MAPK6: variants seen among roughly 807,000 people sequenced by gnomAD.
MAPK6 encodes the protein ERK-3.
A neutral mutation model predicts 59.3 loss-of-function variants in MAPK6; 19 were observed. The observed-to-expected ratio is 0.32, with a 90% CI of 0.22 to 0.47. The LOEUF is 0.47. MAPK6 is among the 20% of genes least tolerant of loss of function. The pLI, the probability that MAPK6 is intolerant of heterozygous loss-of-function variation, is 1.00. For synonymous variants in MAPK6, 316 were observed against 290.3 expected, an observed-to-expected ratio of 1.09 and a Z score of -0.90; for missense variants, 724 against 847.9, an observed-to-expected ratio of 0.85 and a Z score of 1.81.
At chr15:51,972,603 C>A (rs1278027392) in intron 1 of MAPK6, among the ~76,000 whole-genome samples, 1 of 112,248 alleles carries the variant, frequency 8.9e-6, no homozygotes, top group African/African-American at 3.4e-5. Context: ...GCGGGTGGAT[C>A]ACGAGGTCAG....
intron 1 of MAPK6, among the ~76,000 whole-genome samples, chr15:52,041,394 C>T (rs2031412892): frequency 1.3e-5 from 2 of 152,128 alleles, no homozygotes. Context: ...TGGGGTTTCT[C>T]CACGTTGATC....
chr15:52,032,184 T>TA (rs769429639), intron 1 of MAPK6, among the ~76,000 whole-genome samples: 1 of 136,400 alleles, frequency 7.3e-6, no homozygotes, highest in Non-Finnish European at 1.6e-5. Context: ...CAACAATTTT[T>TA]AATTTTTTTT....
chr15:52,007,147 T>G (rs2141828226), intron 3 of MAPK6, among the ~76,000 whole-genome samples: 1 of 152,226 alleles, frequency 6.6e-6, no homozygotes, highest in Non-Finnish European at 1.5e-5. Flanking sequence ...TAATGAAGCC[T>G]GTGTGTTTAT....
intron 1 of MAPK6, chr15:52,027,933 C>G (rs570608617): frequency 6.8e-6 from 1 of 146,962 alleles, no homozygotes; most frequent in African/African-American, 2.5e-5. Context: ...CCACCACGCC[C>G]GGCTAATTTT....
At chr15:52,048,946 A>G (rs2031687006) in intron 2 of MAPK6, among the ~76,000 whole-genome samples, 1 of 152,110 alleles carries the variant, frequency 6.6e-6, no homozygotes, top group Non-Finnish European at 1.5e-5. Context: ...TTGTGGATAG[A>G]GCACTGAACT....
chr15:51,988,577 C>CAAA (rs1353443412), intron 2 of MAPK6, among the ~76,000 whole-genome samples: 1 of 151,834 alleles, frequency 6.6e-6, no homozygotes, highest in African/African-American at 2.4e-5. Flanking sequence ...ACTAAAAATA[C>CAAA]AAAAATTAGC....
chr15:51,978,301 T>G (rs1306915426), intron 1 of MAPK6, among the ~76,000 whole-genome samples: 1 of 151,602 alleles, frequency 6.6e-6, no homozygotes, highest in African/African-American at 2.4e-5. Flanking sequence ...CCCAGCTAAT[T>G]TTTTGTATTT....
At chr15:51,975,587 G>T (rs553305439) in intron 1 of MAPK6, among the ~76,000 whole-genome samples, 1 of 151,726 alleles carries the variant, frequency 6.6e-6, no homozygotes, top group African/African-American at 2.4e-5. Context: ...ACACAAAAAG[G>T]AATATATGTT....
chr15:52,062,957 T>TA (rs1566915392), intron 5 of MAPK6, among the ~76,000 whole-genome samples: 1 of 152,208 alleles, frequency 6.6e-6, no homozygotes, highest in Admixed American at 6.5e-5. Flanking sequence ...CTTAAGATTT[T>TA]AAGAAGAAAT....
At chr15:52,021,525 C>A (rs1450021600) in intron 1 of MAPK6, 2 of 152,038 alleles carry the variant, frequency 1.3e-5, no homozygotes, top group African/African-American at 4.8e-5. Flanking sequence ...ATATCATATA[C>A]CCTACAGGTG....
At chr15:52,044,312 C>T (rs919358922) in intron 1 of MAPK6, among the ~76,000 whole-genome samples, 1 of 151,914 alleles carries the variant, frequency 6.6e-6, no homozygotes, top group Non-Finnish European at 1.5e-5. Flanking sequence ...ATACAAGACC[C>T]GTTCTTATTT....
At chr15:52,004,392 G>A (rs2057251495) in exon 3 of MAPK6, 1 of 152,176 alleles carries the variant, frequency 6.6e-6, no homozygotes. Context: ...ATTGCTATAA[G>A]CTGCTTTCAT....
chr15:51,992,305 A>ATATATTT (rs572519819), intron 2 of MAPK6, among the ~76,000 whole-genome samples: 1 of 101,424 alleles, frequency 9.9e-6, no homozygotes, highest in African/African-American at 3.7e-5. Context: ...ATATATATAT[A>ATATATTT]TTTTTTTTTT....
At chr15:52,000,948 CCCCTACCACCCT>C (rs1273659144) in intron 2 of MAPK6, among the ~76,000 whole-genome samples, 2 of 152,100 alleles carry the variant, frequency 1.3e-5, no homozygotes, top group Non-Finnish European at 2.9e-5. Context: ...ATCCCTCACC[CCCCTACCACCCT>C]CCCTGTTTTG....
chr15:52,044,337 G>C (rs1478047315), intron 1 of MAPK6, among the ~76,000 whole-genome samples: 1 of 152,094 alleles, frequency 6.6e-6, no homozygotes, highest in Non-Finnish European at 1.5e-5. Flanking sequence ...AAAGAACTGA[G>C]GGATATAGTA....
At chr15:52,044,757 A>G (rs913163472) in intron 1 of MAPK6, among the ~76,000 whole-genome samples, 2 of 152,104 alleles carry the variant, frequency 1.3e-5, no homozygotes, top group Non-Finnish European at 2.9e-5. Context: ...AGAGATCAAT[A>G]TAATGAACCT....
At chr15:52,018,248 C>T (rs549005866), upstream of MAPK6, among the ~76,000 whole-genome samples, 1 of 152,188 alleles carries the variant, frequency 6.6e-6, no homozygotes, top group East Asian at 1.9e-4. Flanking sequence ...ATGCTGGTCT[C>T]GAACTCCTGG....
chr15:51,992,902 T>G (rs2057214191), intron 2 of MAPK6, among the ~76,000 whole-genome samples: 1 of 152,072 alleles, frequency 6.6e-6, no homozygotes, highest in Non-Finnish European at 1.5e-5. Context: ...TCCAGGAACC[T>G]CCACGTGTTC....
chr15:51,995,023 GT>G (rs2057220581), intron 2 of MAPK6, among the ~76,000 whole-genome samples: 1 of 152,224 alleles, frequency 6.6e-6, no homozygotes, highest in Non-Finnish European at 1.5e-5. Flanking sequence ...AAATACTAAA[GT>G]ATTTGGGCAT....
Sources: gnomAD v4.1 joint callset for allele counts (sites outside exome capture counted in the v4.1 genomes callset) on GRCh38, gnomAD v4.1.1 for gene constraint, MANE v1.5 for transcripts, NCBI Gene and HGNC (gene_info 2026-07-23, HGNC 2026-07-21) for gene names.